RALGPS2: variants seen among roughly 807,000 people sequenced by gnomAD.
The protein encoded by RALGPS2 is ras-specific guanine nucleotide-releasing factor RalGPS2.
Under a neutral mutation model 86.8 loss-of-function variants are expected in RALGPS2, and 43 were observed. That is an observed-to-expected ratio of 0.50 (90% CI 0.39 to 0.64). RALGPS2 has a LOEUF of 0.64. RALGPS2 is among the 30% of genes least tolerant of loss of function. The pLI, the probability that RALGPS2 is intolerant of heterozygous loss-of-function variation, is 0.00. For missense variants in RALGPS2, 536 were observed against 694.6 expected (o/e 0.77, Z 2.57); for synonymous variants, 243 against 231.3 (o/e 1.05, Z -0.46).
chr1:178,736,181 T>C (rs116092635), intron 1 of RALGPS2, among the ~76,000 whole-genome samples: 35,404 of 148,402 alleles, frequency 0.24, 4,456 homozygotes, highest in Non-Finnish European at 0.31. Flanking sequence ...TTTTTTTTTT[T>C]CTGAGACAGA....
At chr1:178,769,125 CT>C (rs1652657706) in intron 1 of RALGPS2, among the ~76,000 whole-genome samples, 1 of 152,038 alleles carries the variant, frequency 6.6e-6, no homozygotes, top group Non-Finnish European at 1.5e-5. Context: ...CAAATGAGTG[CT>C]TTGAATGCCT....
intron 19 of RALGPS2, among the ~76,000 whole-genome samples, chr1:178,909,668 G>A (rs1404681588): frequency 6.2e-5 from 2 of 32,056 alleles, no homozygotes; most frequent in Non-Finnish European, 1.4e-4. Flanking sequence ...TTTTTTTTTT[G>A]GAGACGGAGT....
intron 4 of RALGPS2, among the ~76,000 whole-genome samples, chr1:178,799,846 A>G (rs1558125037): frequency 6.6e-6 from 1 of 152,212 alleles, no homozygotes; most frequent in Non-Finnish European, 1.5e-5. Flanking sequence ...TGAAGATGCC[A>G]TCATTGTTAA....
In RALGPS2 at chr1:178,878,960, A is replaced by G. The variant is rs138463096; in HGVS notation, c.804A>G (p.Glu268=). 1.6e-5 allele frequency: 25 copies of G among 1,612,672 alleles called. No individual in the cohort carries two copies. The African/African-American group carries it at 2.5e-4, about 16-fold the overall frequency. Residue 268 remains glutamate, a synonymous_variant, in exon 10 of 20, where the codon GAA becomes GAG. Coordinates refer to ENST00000367635, the MANE Select transcript of RALGPS2 (RefSeq NM_152663.5). ...KYLNSVQYIE[E]LQKFVEDDNY... is the part of the protein sequence containing the mutation. ...TCAACTCTGTTCAGTATATAGAAGA[A>G]CTACAAAAATTTGTGGAAGACGATA...
At chr1:178,869,121 T>C (rs1329388130) in intron 8 of RALGPS2, 1 of 152,074 alleles carries the variant, frequency 6.6e-6, no homozygotes, top group East Asian at 1.9e-4. Flanking sequence ...TACGTTTAAA[T>C]TTAAGTCTTT....
Position 178,916,629 on chromosome 1 carries a change from G to A in RALGPS2, c.*270G>A, listed in dbSNP as rs573799553. On this transcript the variant is annotated 3_prime_UTR_variant, in exon 20 of 20. Coordinates refer to ENST00000367635, the MANE Select transcript of RALGPS2 (RefSeq NM_152663.5). ...AAACCACTGCCTTAAAAGAATGAAAGGAAAACCAACATGAAACACCAAATA... is the reference window on the plus strand; with the variant it reads ...AAACCACTGCCTTAAAAGAATGAAAAGAAAACCAACATGAAACACCAAATA... The A allele has an allele frequency of 7.6e-6, 3 of 394,998 alleles. No homozygotes were observed. The highest frequency in any genetic ancestry group is 7.6e-5 in the East Asian group (2 of 26,212). The allele number at this position is 394,998 out of a possible 1,614,324, so 24.5% of individuals were successfully genotyped here. A position where few individuals can be genotyped will look rare whatever the true frequency, so the allele number is the denominator to read the frequency against.
chr1:178,770,368 A>G (rs187000618), intron 1 of RALGPS2, among the ~76,000 whole-genome samples: 329 of 152,168 alleles, frequency 2.2e-3, no homozygotes, highest in Middle Eastern at 6.8e-3. Flanking sequence ...CAAGTGGCTG[A>G]TGCATGCTAA....
chr1:178,854,750 T>C (rs1394001512), intron 8 of RALGPS2, among the ~76,000 whole-genome samples: 1 of 152,142 alleles, frequency 6.6e-6, no homozygotes, highest in Non-Finnish European at 1.5e-5. Flanking sequence ...AACTGCTGTG[T>C]TGCATGCATT....
intron 7 of RALGPS2, among the ~76,000 whole-genome samples, chr1:178,824,084 C>T (rs974960009): frequency 6.6e-6 from 1 of 152,120 alleles, no homozygotes; most frequent in Non-Finnish European, 1.5e-5. Flanking sequence ...AAATTGATCA[C>T]CTTTGTCAAA....
intron 2 of RALGPS2, among the ~76,000 whole-genome samples, chr1:178,779,539 C>G (rs2102114597): frequency 6.6e-6 from 1 of 152,262 alleles, no homozygotes; most frequent in East Asian, 1.9e-4. Flanking sequence ...ATTTTTATCT[C>G]TAGCCCTGGC....
At chr1:178,728,000 G>T (rs915000347) in intron 1 of RALGPS2, among the ~76,000 whole-genome samples, 4 of 152,136 alleles carry the variant, frequency 2.6e-5, no homozygotes, top group Non-Finnish European at 5.9e-5. Flanking sequence ...AAAACATTAA[G>T]ACAATTGTTT....
intron 1 of RALGPS2, among the ~76,000 whole-genome samples, chr1:178,759,084 AT>A (rs1558105919): frequency 6.6e-6 from 1 of 151,896 alleles, no homozygotes; most frequent in East Asian, 1.9e-4. Context: ...ATGTGATCCT[AT>A]TTGTCCATTT....
At chr1:178,909,461 T>C (rs998876164) in intron 19 of RALGPS2, among the ~76,000 whole-genome samples, 1 of 152,146 alleles carries the variant, frequency 6.6e-6, no homozygotes, top group African/African-American at 2.4e-5. Flanking sequence ...TTTTTTCTAA[T>C]TCTTTGAAGA....
At chr1:178,824,707 G>A (rs543795674) in intron 7 of RALGPS2, among the ~76,000 whole-genome samples, 1 of 152,284 alleles carries the variant, frequency 6.6e-6, no homozygotes, top group Non-Finnish European at 1.5e-5. Context: ...TACTCTGGAG[G>A]CTGAGGCAGG....
chr1:178,727,816 C>T (rs2101994904), intron 1 of RALGPS2, among the ~76,000 whole-genome samples: 1 of 152,158 alleles, frequency 6.6e-6, no homozygotes, highest in East Asian at 1.9e-4. Context: ...GTTGGGGACA[C>T]AACAGGGGAG....
chr1:178,871,550 TACAAGA>T (rs1284606173), intron 8 of RALGPS2, among the ~76,000 whole-genome samples: 1 of 152,196 alleles, frequency 6.6e-6, no homozygotes. Context: ...GTTTTAAACT[TACAAGA>T]AACTTGATGT....
At chr1:178,828,542 A>G (rs1311319986) in intron 7 of RALGPS2, among the ~76,000 whole-genome samples, 1 of 152,252 alleles carries the variant, frequency 6.6e-6, no homozygotes, top group Non-Finnish European at 1.5e-5. Flanking sequence ...GTTTTGCAGC[A>G]CATGACTGTA....
At chr1:178,747,580 T>C in intron 1 of RALGPS2, 1 of 1,610,140 alleles carries the variant, frequency 6.2e-7, no homozygotes, top group Non-Finnish European at 8.5e-7. Context: ...TGTTAGGAAG[T>C]GGACCCTGTG....
chr1:178,729,872 A>G (rs1650236405), intron 1 of RALGPS2, among the ~76,000 whole-genome samples: 1 of 152,130 alleles, frequency 6.6e-6, no homozygotes, highest in African/African-American at 2.4e-5. Flanking sequence ...GAGCAACCAT[A>G]GGTGTTTCTT....
Sources: gnomAD v4.1 joint callset for allele counts (sites outside exome capture counted in the v4.1 genomes callset) on GRCh38, gnomAD v4.1.1 for gene constraint, MANE v1.5 for transcripts, NCBI Gene and HGNC (gene_info 2026-07-23, HGNC 2026-07-21) for gene names.